WEE1: variants seen among roughly 807,000 people sequenced by gnomAD.
The protein encoded by WEE1 is WEE1 G2 checkpoint kinase, also known as wee1-like protein kinase.
WEE1 carries 16 observed loss-of-function variants against 68.8 expected under a neutral mutation model. The ratio of observed to expected loss-of-function variants is 0.23; its 90% CI spans 0.16 to 0.35. The LOEUF (loss-of-function observed/expected upper bound fraction) is 0.35, where lower values mean the gene tolerates loss of function less well. Among genes scored for constraint, WEE1 ranks in the 10% least tolerant of loss-of-function variants. The pLI, the probability that WEE1 is intolerant of heterozygous loss-of-function variation, is 1.00. For missense variants in WEE1, 651 were observed against 824.1 expected (o/e 0.79, Z 2.57); for synonymous variants, 349 against 318.7 (o/e 1.09, Z -1.01).
intron 1 of WEE1, chr11:9,575,244 C>T (rs1224216160): frequency 1.0e-6 from 1 of 985,638 alleles, no homozygotes; most frequent in African/African-American, 1.7e-5. Flanking sequence ...TGTTCAGCAC[C>T]TGTGTTTTGA....
In WEE1 at chr11:9,586,596, C is replaced by G. The variant is rs1419998009; in HGVS notation, c.1618C>G (p.Gln540Glu). ...RLPRIPQVLS[Q>E]EFTELLKVMI... ...ACCTCGGATACCACAAGTGCTTTCC[C>G]AAGAATTTACAGAGTTGCTAAAAGT... Residue 540 changes from glutamine to glutamate, a missense_variant, in exon 9 of 11, where the codon CAA (glutamine) becomes GAA (glutamate). Transcript: ENST00000450114. The G allele has an allele frequency of 9.3e-6, 15 of 1,613,906 alleles. No individual in the cohort carries two copies. The highest frequency in any genetic ancestry group is 1.2e-5 in the Non-Finnish European group (14 of 1,179,998).
intron 10 of WEE1, 136 bp downstream of exon 10, chr11:9,586,992 C>T: frequency 1.0e-6 from 1 of 995,670 alleles, no homozygotes; most frequent in Non-Finnish European, 1.4e-6. Context: ...GAGACAGGGT[C>T]TCACTGTCAT....
At chr11:9,583,802 C>CACAT (rs1295357946) in intron 6 of WEE1, among the ~76,000 whole-genome samples, 28 of 17,736 alleles carry the variant, frequency 1.6e-3, no homozygotes, top group Non-Finnish European at 2.1e-3. Context: ...CACACACACA[C>CACAT]ATATATATAT....
Position 9,589,099 on chromosome 11 carries a change from C to T in WEE1, c.*497C>T, listed in dbSNP as rs1173536476. ...CACTGGGAGCACTTTGTAGGCATTG[C>T]ATGAACCATGGGATGATGATTCTGT... is the stretch of plus-strand genomic sequence containing the variant. On this transcript the variant is annotated 3_prime_UTR_variant, in exon 11 of 11. Coordinates refer to ENST00000450114, the MANE Select transcript of WEE1 (RefSeq NM_003390.4). The T allele has an allele frequency of 1.0e-6, 1 of 985,710 alleles. No individual in the cohort carries two copies. The allele number at this position is 985,710 out of a possible 1,614,324, so 61.1% of individuals were successfully genotyped here.
intron 1 of WEE1, 25 bp from the exon 2 acceptor site, chr11:9,575,863 T>C (rs1849559712): frequency 6.2e-7 from 1 of 1,608,564 alleles, no homozygotes; most frequent in South Asian, 1.1e-5. Flanking sequence ...TCCTAAAAAT[T>C]GTATTTGTAT....
Position 9,576,224 on chromosome 11 carries a change from T to C in WEE1, c.783-6T>C, listed in dbSNP as rs1028608923. Reference sequence around the variant, plus strand: ...TATATTGATAGAAAAATAACATTTTTTTTAGTTCCTGTGGTGAAGACATGG... The same window carrying C: ...TATATTGATAGAAAAATAACATTTTCTTTAGTTCCTGTGGTGAAGACATGG... On this transcript the variant is annotated splice_polypyrimidine_tract_variant and splice_region_variant and intron_variant, in intron 2 of 10. Transcript: ENST00000450114. The surrounding 1 kb of genome is among the most constrained non-coding windows in gnomAD (Gnocchi z 4.3). 2.0e-6 allele frequency: 3 copies of C among 1,536,826 alleles called. No individual in the cohort carries two copies. The highest frequency in any genetic ancestry group is 2.6e-6 in the Non-Finnish European group (3 of 1,132,522).
rs918794101 is a variant in WEE1, at chr11:9,573,966, A to G, written c.33A>G (p.Pro11=). 2 of 1,290,576 alleles carry G rather than the reference A, an allele frequency of 1.5e-6. No individual in the cohort carries two copies. The highest frequency in any genetic ancestry group is 9.8e-7 in the Non-Finnish European group (1 of 1,019,230). 79.9% of individuals were successfully genotyped at this position (1,290,576 alleles called of 1,614,324 possible). The change falls in exon 1 of 11, where the codon CCA becomes CCG. Residue 11 remains proline, a synonymous_variant. Transcript: ENST00000450114. MSFLSRQQPP[P]PRRAGAACTL... ...TCCTGAGCCGACAGCAGCCGCCGCC[A>G]CCCCGCCGCGCCGGGGCGGCCTGCA...
At position 9,576,462 on chromosome 11, in the gene WEE1, TA is replaced by T; in HGVS notation, c.847-24del. On this transcript the variant is annotated intron_variant, in intron 3 of 10. Coordinates refer to ENST00000450114, the MANE Select transcript of WEE1 (RefSeq NM_003390.4). This position sits in a 1 kb window ranked among gnomAD's most constrained non-coding sequence, Gnocchi z 4.3. ...ACTGTTTTCGTATATTTGTATTACATATATGGAAACACTTTTTATTACAGAG... is the reference window on the plus strand; with the variant it reads ...ACTGTTTTCGTATATTTGTATTACATTATGGAAACACTTTTTATTACAGAG... 6.2e-7 allele frequency: 1 copy of T among 1,601,596 alleles called. No individual in the cohort carries two copies. Among genetic ancestry groups the T allele is most frequent in the Non-Finnish European group, 8.5e-7 (1 of 1,173,558 alleles).
At chr11:9,582,517 T>C (rs1263015546) in intron 6 of WEE1, among the ~76,000 whole-genome samples, 4 of 152,192 alleles carry the variant, frequency 2.6e-5, no homozygotes, top group Admixed American at 6.5e-5. Context: ...TTATGAGTTA[T>C]ATGCTAGAAT....
rs1307278795 is a variant in WEE1, at chr11:9,586,633, A to T, written c.1641+14A>T. On this transcript the variant is annotated intron_variant, in intron 9 of 10. Transcript: ENST00000450114. ...GAGTTGCTAAAAGTGAGCATTTTATATATGAAGCCCTTTATTGACATGGTT... is the reference window on the plus strand; with the variant it reads ...GAGTTGCTAAAAGTGAGCATTTTATTTATGAAGCCCTTTATTGACATGGTT... The T allele has an allele frequency of 6.2e-7, 1 of 1,613,810 alleles. No homozygotes were observed. Among genetic ancestry groups the T allele is most frequent in the South Asian group, 1.1e-5 (1 of 91,044 alleles).
intron 6 of WEE1, among the ~76,000 whole-genome samples, chr11:9,583,792 CACACACACACATAT>C (rs1187127211): frequency 6.8e-4 from 21 of 31,008 alleles, no homozygotes; most frequent in African/African-American, 2.6e-3. Flanking sequence ...CACACACACA[CACACACACACATAT>C]ATATATATAT....
At chr11:9,581,828 A>T in intron 6 of WEE1, 150 bp downstream of exon 6, 1 of 802,350 alleles carries the variant, frequency 1.2e-6, no homozygotes, top group Non-Finnish European at 1.8e-6. Flanking sequence ...TTGTTTTATG[A>T]TTTCTATTCA....
At chr11:9,575,715 C>T (rs1565087123) in intron 1 of WEE1, 173 bp from the exon 2 acceptor site, 1 of 621,452 alleles carries the variant, frequency 1.6e-6, no homozygotes, top group East Asian at 2.8e-5. Flanking sequence ...TAATATCCAG[C>T]TTCAGTCTTC....
intron 10 of WEE1, among the ~76,000 whole-genome samples, chr11:9,587,444 G>A (rs1285989475): frequency 2.0e-5 from 3 of 152,168 alleles, no homozygotes; most frequent in Non-Finnish European, 4.4e-5. Flanking sequence ...AAAGCTAAGC[G>A]AGCCTATACC....
intron 6 of WEE1, chr11:9,585,055 A>C: frequency 3.6e-6 from 2 of 552,676 alleles, no homozygotes; most frequent in Non-Finnish European, 6.4e-6. Context: ...GACAGAGCAC[A>C]CTGTCTCAAA....
Position 9,576,652 on chromosome 11 carries a change from G to A in WEE1, c.1012G>A (p.Val338Ile). Residue 338 changes from valine to isoleucine, a missense_variant, in exon 4 of 11, where the codon GTT becomes ATT. By Grantham distance (29) the Val-to-Ile change is conservative. Transcript: ENST00000450114. This position sits in a 1 kb window ranked among gnomAD's most constrained non-coding sequence, Gnocchi z 4.3. ...KRSKKPLAGS[V>I]DEQNALREVY... The stretch of plus-strand genomic sequence containing the variant: ...ATCAAAAAAGCCATTGGCGGGCTCT[G>A]TTGATGAGTATGTATTAAACATTTT... 1.2e-6 allele frequency: 2 copies of A among 1,612,506 alleles called. No individual in the cohort carries two copies. The highest frequency in any genetic ancestry group is 1.7e-4 in the Middle Eastern group (1 of 6,054).
At position 9,574,329 on chromosome 11, in the gene WEE1, CT is replaced by C; in HGVS notation, c.398del (p.Phe133SerfsTer101). The C allele has an allele frequency of 7.9e-7, 1 of 1,273,866 alleles. No individual in the cohort carries two copies. The allele number at this position is 1,273,866 out of a possible 1,614,324, so 78.9% of individuals were successfully genotyped here. On this transcript the variant is annotated frameshift_variant, in exon 1 of 11. Coordinates refer to ENST00000450114, the MANE Select transcript of WEE1 (RefSeq NM_003390.4). LOFTEE classifies it high-confidence loss of function. The surrounding 1 kb of genome is among the most constrained non-coding windows in gnomAD (Gnocchi z 4.9). Reference protein sequence around the residue: ...SPVKSPAAPYFLGSSFSPVRC... With the variant: ...SPVKSPAAPYXLGSSFSPVRC... ...CGGTCAAGTCGCCGGCGGCCCCCTA[CT>C]TCCTGGGTAGCTCTTTCTCGCCGGT...
rs946660028 is a variant in WEE1, at chr11:9,588,497, A to G, written c.1836A>G (p.Ala612=). Residue 612 remains alanine, a synonymous_variant, in exon 11 of 11, where the codon GCA becomes GCG. Coordinates refer to ENST00000450114, the MANE Select transcript of WEE1 (RefSeq NM_003390.4). ...CAAAAGCTGCAGCTGAGGAAAGAGCACTCTTCACTGACCGGATGGCCACTA... is the reference window on the plus strand; with the variant it reads ...CAAAAGCTGCAGCTGAGGAAAGAGCGCTCTTCACTGACCGGATGGCCACTA... ...QMAKAAAEER[A]LFTDRMATRS... The G allele has an allele frequency of 3.1e-6, 5 of 1,609,548 alleles. No homozygotes were observed. The South Asian group carries it at 5.5e-5, about 18-fold the overall frequency.
At chr11:9,586,377 A>C in intron 8 of WEE1, 72 bp from the exon 9 acceptor site, 1 of 1,400,172 alleles carries the variant, frequency 7.1e-7, no homozygotes, top group Non-Finnish European at 9.8e-7. Context: ...CACCTAAGTC[A>C]TCTTTGAGGT....
Sources: allele counts gnomAD v4.1 joint callset (sites outside exome capture counted in the v4.1 genomes callset), GRCh38; gene constraint gnomAD v4.1.1; non-coding constraint Gnocchi (gnomAD v3.1); transcripts MANE v1.5; gene names NCBI Gene and HGNC (gene_info 2026-07-23, HGNC 2026-07-21).